DLG2: variants seen among roughly 807,000 people sequenced by gnomAD.
DLG2 encodes disks large homolog 2.
In DLG2, 45 loss-of-function variants were observed where a neutral mutation model predicts 132.5. The ratio of observed to expected loss-of-function variants is 0.34; its 90% confidence interval spans 0.27 to 0.44. The LOEUF is 0.44. Among genes scored for constraint, DLG2 ranks in the 20% least tolerant of loss-of-function variants. The pLI is 1.00. For missense variants in DLG2, 1,045 were observed against 1,196.9 expected, an observed-to-expected ratio of 0.87 and a Z score of 1.87; for synonymous variants, 424 against 419.6, an observed-to-expected ratio of 1.01 and a Z score of -0.13.
chr11:84,272,717 T>A (rs10792748), intron 7 of DLG2, among the ~76,000 whole-genome samples: 4 of 151,966 alleles, frequency 2.6e-5, no homozygotes, highest in Admixed American at 6.6e-5. Context: ...TTTTGGTGGG[T>A]TTTACTTGGA....
intron 4 of DLG2, among the ~76,000 whole-genome samples, chr11:85,274,382 G>A (rs1253246262): frequency 6.6e-6 from 1 of 152,078 alleles, no homozygotes; most frequent in African/African-American, 2.4e-5. Flanking sequence ...CAAAAAAAGA[G>A]TCTCCTTTAC....
intron 18 of DLG2, among the ~76,000 whole-genome samples, chr11:83,668,761 G>A (rs28594224): frequency 7.3e-6 from 1 of 136,130 alleles, no homozygotes; most frequent in Non-Finnish European, 1.6e-5. Flanking sequence ...ACATATATAT[G>A]TGTATATAAA....
chr11:85,578,139 G>A (rs1263494130), intron 3 of DLG2, among the ~76,000 whole-genome samples: 2 of 152,126 alleles, frequency 1.3e-5, no homozygotes, highest in African/African-American at 4.8e-5. Context: ...AAGCAATGGG[G>A]AAGGGATTCC....
intron 3 of DLG2, among the ~76,000 whole-genome samples, chr11:85,312,366 TTTA>T (rs1415887091): frequency 4.0e-5 from 6 of 150,742 alleles, no homozygotes. Context: ...CTTATTATAA[TTTA>T]TTATAATTTA....
chr11:84,277,602 G>T lies in DLG2; in HGVS notation c.520-26311C>A, dbSNP rs569464325. 3.3e-5 allele frequency among the ~76,000 whole-genome samples: 5 copies of T among 152,130 alleles called. No individual in the cohort carries two copies. The East Asian group carries it at 9.6e-4, about 29-fold the overall frequency. ...TAAGGAAACATACATATCACTACAC[G>T]CTTATATTTGAAAAGAAGGTAGTGT... On this transcript the variant is annotated intron_variant, in intron 7 of 27. Transcript: ENST00000376104.
Position 83,886,655 on chromosome 11 carries a change from GCACCA to G in DLG2, c.1497-12172_1497-12168del, listed in dbSNP as rs1452728422. On this transcript the variant is annotated intron_variant, in intron 15 of 27. Transcript: ENST00000376104. ...ATCAACAGAATATACATTTTTTTCA[GCACCA>G]CACCACACCTATTCCAAAATTGACC... is the stretch of plus-strand genomic sequence containing the variant. 3.3e-5 allele frequency among the ~76,000 whole-genome samples: 5 copies of G among 151,546 alleles called. No homozygotes were observed. In the East Asian group the frequency reaches 9.7e-4, roughly 29 times the overall value.
chr11:84,767,165 G>C (rs2068540409), intron 6 of DLG2, among the ~76,000 whole-genome samples: 1 of 152,018 alleles, frequency 6.6e-6, no homozygotes, highest in South Asian at 2.1e-4. Context: ...TTAGCACAAA[G>C]TGTAATAATA....
Position 85,476,902 on chromosome 11 carries a change from G to A in DLG2, c.40+121755C>T, listed in dbSNP as rs1394149946. Among the ~76,000 whole-genome samples the A allele has an allele frequency of 4.6e-5, 7 of 151,992 alleles. No individual in the cohort carries two copies. The East Asian group carries it at 1.3e-3, about 29-fold the overall frequency. On this transcript the variant is annotated intron_variant, in intron 3 of 27. Coordinates refer to ENST00000376104, the MANE Select transcript of DLG2 (RefSeq NM_001142699.3). ...CTCTAAAATAATAATAAAAAGTATG[G>A]TAAATACCTAAACCAGTGACATGTA...
At chr11:83,594,770 A>T (rs1407881112) in intron 19 of DLG2, among the ~76,000 whole-genome samples, 5 of 152,164 alleles carry the variant, frequency 3.3e-5, no homozygotes, top group Admixed American at 3.3e-4. Context: ...GGAGAGTTGC[A>T]ATACTTGGTC....
rs565141963 is a variant in DLG2, at chr11:85,225,940, C to T, written c.186+59280G>A. 1.2e-3 allele frequency among the ~76,000 whole-genome samples: 179 copies of T among 152,142 alleles called. 1 individual carries two copies. The highest frequency in any genetic ancestry group is 4.1e-3 in the African/African-American group (172 of 41,518). On this transcript the variant is annotated intron_variant, in intron 4 of 27. Transcript: ENST00000376104. ...CATCCCTACTACCATGGAACTTGTTCCTTCTCTGTATTACCTAGCTCCCCA... is the reference window on the plus strand; with the variant it reads ...CATCCCTACTACCATGGAACTTGTTTCTTCTCTGTATTACCTAGCTCCCCA...
chr11:85,528,455 G>A (rs949217750), intron 3 of DLG2, among the ~76,000 whole-genome samples: 4 of 152,082 alleles, frequency 2.6e-5, no homozygotes, highest in Non-Finnish European at 5.9e-5. Context: ...TCATCATTAG[G>A]AAAATCCAAA....
At chr11:83,819,761 T>G (rs187639625) in intron 17 of DLG2, among the ~76,000 whole-genome samples, 1 of 152,044 alleles carries the variant, frequency 6.6e-6, no homozygotes, top group African/African-American at 2.4e-5. Flanking sequence ...ATAAGGAAGA[T>G]TAACTATTGA....
intron 6 of DLG2, among the ~76,000 whole-genome samples, chr11:84,948,045 C>T (rs1253494973): frequency 2.0e-5 from 3 of 152,160 alleles, no homozygotes; most frequent in Non-Finnish European, 4.4e-5. Flanking sequence ...AGTATTCTAC[C>T]TTTTGTATCA....
At chr11:85,428,868 G>T (rs1171996254) in intron 3 of DLG2, among the ~76,000 whole-genome samples, 1 of 151,986 alleles carries the variant, frequency 6.6e-6, no homozygotes, top group African/African-American at 2.4e-5. Flanking sequence ...CAACAAAATT[G>T]ATAGACCGCT....
At chr11:84,736,050 A>G (rs1427976302) in intron 6 of DLG2, among the ~76,000 whole-genome samples, 1 of 151,954 alleles carries the variant, frequency 6.6e-6, no homozygotes, top group African/African-American at 2.4e-5. Context: ...TTGAGCAATG[A>G]TCAATTTTGA....
At chr11:83,715,430 C>T (rs150439191) in intron 18 of DLG2, among the ~76,000 whole-genome samples, 10 of 152,248 alleles carry the variant, frequency 6.6e-5, no homozygotes, top group Non-Finnish European at 1.2e-4. Flanking sequence ...AACCTGGGAA[C>T]GACTATAAGT....
chr11:83,930,558 T>C, intron 14 of DLG2, 75 bp from the exon 15 acceptor site: 1 of 1,411,320 alleles, frequency 7.1e-7, no homozygotes, highest in Non-Finnish European at 9.6e-7. Flanking sequence ...CAGTAGCATC[T>C]CAGCATGTGC....
intron 9 of DLG2, among the ~76,000 whole-genome samples, chr11:84,121,644 T>C (rs916339992): frequency 2.0e-5 from 3 of 147,358 alleles, no homozygotes; most frequent in Non-Finnish European, 3.0e-5. Context: ...TCACTGCAAG[T>C]TCCGCCTCCC....
chr11:83,796,185 A>G (rs2042779616), intron 17 of DLG2, among the ~76,000 whole-genome samples: 1 of 152,220 alleles, frequency 6.6e-6, no homozygotes, highest in African/African-American at 2.4e-5. Flanking sequence ...TTCTCACTGC[A>G]TTATCCTAGG....
Sources: allele counts gnomAD v4.1 joint callset (sites outside exome capture counted in the v4.1 genomes callset), GRCh38; gene constraint gnomAD v4.1.1; transcripts MANE v1.5; gene names NCBI Gene and HGNC (gene_info 2026-07-23, HGNC 2026-07-21).